The following ITGB6 variants were observed in gnomAD, a reference collection of about 807,000 sequenced individuals.
ITGB6 encodes the protein integrin subunit beta 6, also known as integrin beta-6.
ITGB6 carries 80 observed loss-of-function variants against 84.5 expected under a neutral mutation model. The ratio of observed to expected loss-of-function variants is 0.95; its 90% CI spans 0.79 to 1.14. The LOEUF (loss-of-function observed/expected upper bound fraction) is 1.14, where lower values mean the gene tolerates loss of function less well. ITGB6 is among the 50% of genes most tolerant of loss of function. The probability of loss-of-function intolerance (pLI) is 0.00; values close to 1 mark genes in which losing one functional copy is unlikely to be tolerated. For missense variants in ITGB6, 1,006 were observed against 968.0 expected (o/e 1.04, Z -0.52); for synonymous variants, 383 against 354.9 (o/e 1.08, Z -0.89).
chr2:160,168,416 C>T (rs988847999), intron 7 of ITGB6, among the ~76,000 whole-genome samples: 2 of 152,170 alleles, frequency 1.3e-5, no homozygotes, highest in Admixed American at 1.3e-4. Flanking sequence ...GACACTTCTG[C>T]ATAGAAGGCA....
At chr2:160,155,772 CAAG>C (rs1684602477) in intron 7 of ITGB6, among the ~76,000 whole-genome samples, 3 of 152,108 alleles carry the variant, frequency 2.0e-5, no homozygotes, top group Admixed American at 6.5e-5. Context: ...TACATATCAA[CAAG>C]AAGAAGACAT....
intron 12 of ITGB6, among the ~76,000 whole-genome samples, chr2:160,123,339 A>G (rs1306263338): frequency 6.6e-6 from 1 of 152,092 alleles, no homozygotes; most frequent in Non-Finnish European, 1.5e-5. Context: ...ATGGCCACTA[A>G]CCAGAAACCA....
intron 14 of ITGB6, among the ~76,000 whole-genome samples, chr2:160,103,115 A>C (rs1298886728): frequency 1.3e-5 from 2 of 152,198 alleles, no homozygotes; most frequent in Non-Finnish European, 1.5e-5. Flanking sequence ...TTCTAAGTTA[A>C]AATCTTATAC....
intron 12 of ITGB6, among the ~76,000 whole-genome samples, chr2:160,114,735 G>A (rs966723700): frequency 3.3e-5 from 5 of 152,218 alleles, no homozygotes; most frequent in Admixed American, 1.3e-4. Flanking sequence ...AAGGGGTCAG[G>A]GAGTTCCCTT....
intron 10 of ITGB6, among the ~76,000 whole-genome samples, chr2:160,127,337 G>T (rs1237646571): frequency 2.0e-5 from 3 of 152,148 alleles, no homozygotes; most frequent in Admixed American, 6.5e-5. Context: ...CGCTTCATCT[G>T]CATAATAAGA....
intron 4 of ITGB6, among the ~76,000 whole-genome samples, chr2:160,175,348 G>A (rs1182552280): frequency 1.3e-5 from 2 of 152,132 alleles, no homozygotes; most frequent in East Asian, 1.9e-4. Context: ...AATACTTGCC[G>A]TGTTTTCTGA....
intron 7 of ITGB6, among the ~76,000 whole-genome samples, chr2:160,168,358 G>T (rs1336478760): frequency 6.6e-6 from 1 of 152,140 alleles, no homozygotes; most frequent in Non-Finnish European, 1.5e-5. Flanking sequence ...AAGTTAAGAG[G>T]TCCTTTCAAA....
intron 4 of ITGB6, among the ~76,000 whole-genome samples, chr2:160,182,960 C>G (rs1197209684): frequency 6.6e-6 from 1 of 152,164 alleles, no homozygotes; most frequent in South Asian, 2.1e-4. Flanking sequence ...TTTGCCACCA[C>G]CAGGCCTGCC....
intron 12 of ITGB6, among the ~76,000 whole-genome samples, chr2:160,123,296 G>A (rs144187977): frequency 6.6e-6 from 1 of 152,150 alleles, no homozygotes; most frequent in Non-Finnish European, 1.5e-5. Flanking sequence ...TGTTTGGAAG[G>A]TTGGGAATAA....
intron 7 of ITGB6, among the ~76,000 whole-genome samples, chr2:160,166,917 A>T (rs1020037233): frequency 6.6e-6 from 1 of 152,230 alleles, no homozygotes; most frequent in African/African-American, 2.4e-5. Context: ...TACTAAAAAA[A>T]ACAGTCATTT....
At chr2:160,122,751 T>C (rs1683093614) in intron 12 of ITGB6, among the ~76,000 whole-genome samples, 1 of 152,236 alleles carries the variant, frequency 6.6e-6, no homozygotes, top group African/African-American at 2.4e-5. Flanking sequence ...CAATTGTGCA[T>C]AGTTAGAACT....
intron 7 of ITGB6, among the ~76,000 whole-genome samples, chr2:160,150,295 C>A (rs922009895): frequency 2.0e-5 from 3 of 152,068 alleles, no homozygotes; most frequent in African/African-American, 7.2e-5. Flanking sequence ...AGAGTGGGGG[C>A]CAATATTCAA....
At chr2:160,121,946 C>T (rs964693839) in intron 12 of ITGB6, among the ~76,000 whole-genome samples, 13 of 149,818 alleles carry the variant, frequency 8.7e-5, no homozygotes, top group Admixed American at 4.0e-4. Flanking sequence ...TAAAATTCCT[C>T]TTGTTGGGGG....
At chr2:160,153,274 A>T (rs964432932) in intron 7 of ITGB6, among the ~76,000 whole-genome samples, 3 of 152,206 alleles carry the variant, frequency 2.0e-5, no homozygotes, top group African/African-American at 7.2e-5. Context: ...AGGCCTCAGA[A>T]ATAACACCAC....
At chr2:160,130,374 G>A (rs898817354) in intron 10 of ITGB6, among the ~76,000 whole-genome samples, 8 of 152,038 alleles carry the variant, frequency 5.3e-5, no homozygotes, top group Non-Finnish European at 1.2e-4. Flanking sequence ...ACACACGTAT[G>A]TATAGATGCT....
intron 12 of ITGB6, among the ~76,000 whole-genome samples, chr2:160,118,149 C>A (rs1000304106): frequency 3.9e-5 from 6 of 152,164 alleles, no homozygotes; most frequent in African/African-American, 1.4e-4. Context: ...GGGGAATCCT[C>A]CCTAACTCAT....
intron 4 of ITGB6, among the ~76,000 whole-genome samples, chr2:160,174,760 A>G (rs1348340575): frequency 1.3e-5 from 2 of 152,230 alleles, no homozygotes; most frequent in African/African-American, 4.8e-5. Flanking sequence ...AGGGCTGATC[A>G]TGAGTTCAGC....
chr2:160,136,714 T>C (rs1465833100), intron 10 of ITGB6, among the ~76,000 whole-genome samples: 1 of 152,194 alleles, frequency 6.6e-6, no homozygotes, highest in Non-Finnish European at 1.5e-5. Flanking sequence ...TGGAATACTA[T>C]GCAGCCTTAA....
chr2:160,143,800 C>A (rs564470177), intron 7 of ITGB6, among the ~76,000 whole-genome samples: 2 of 152,140 alleles, frequency 1.3e-5, no homozygotes, highest in South Asian at 4.1e-4. Context: ...TAAATTAGGA[C>A]AAAGAGAACC....
Sources: gnomAD v4.1 joint callset for allele counts (sites outside exome capture counted in the v4.1 genomes callset) on GRCh38, gnomAD v4.1.1 for gene constraint, MANE v1.5 for transcripts, NCBI Gene and HGNC (gene_info 2026-07-23, HGNC 2026-07-21) for gene names.